Variants in RAB33A observed in about 807,000 individuals in gnomAD.
RAB33A encodes RAB33A, member RAS oncogene family, also known as ras-related protein Rab-33A.
Under a neutral mutation model 12.0 loss-of-function variants are expected in RAB33A, and 6 were observed. That is an observed-to-expected ratio of 0.50 (90% CI 0.27 to 0.99). The LOEUF (loss-of-function observed/expected upper bound fraction) is 0.99. RAB33A is among the 50% of genes least tolerant of loss of function. The pLI is 0.11. For missense variants in RAB33A, 109 were observed against 192.0 expected (o/e 0.57, Z 2.55); for synonymous variants, 70 against 82.4 (o/e 0.85, Z 0.81).
chrX:130,111,197 TGCGCCGCGGCCCGGGCGGGC>T, the RAB33A span, among the ~76,000 whole-genome samples: 2 of 105,982 alleles, frequency 1.9e-5, no homozygotes, highest in Non-Finnish European at 3.9e-5. Context: ...GCCCGCGTCG[TGCGCCGCGGCCCGGGCGGGC>T]GCTCCCCACT....
the RAB33A span, among the ~76,000 whole-genome samples, chrX:130,142,892 T>C: frequency 8.9e-6 from 1 of 111,971 alleles, no homozygotes; most frequent in Admixed American, 9.5e-5. Flanking sequence ...GTGATCCACC[T>C]GCCTCAGCCT....
chrX:130,160,784 TG>T, the RAB33A span, among the ~76,000 whole-genome samples: 20 of 110,439 alleles, frequency 1.8e-4, no homozygotes, highest in Admixed American at 1.3e-3. Flanking sequence ...GGCTCACATC[TG>T]TAATCCCAGC....
the RAB33A span, among the ~76,000 whole-genome samples, chrX:130,146,647 A>G: frequency 1.8e-5 from 2 of 110,947 alleles, no homozygotes; most frequent in Admixed American, 9.7e-5. Flanking sequence ...ATTGGAACCC[A>G]AAGAACATGG....
chrX:130,173,722 C>T lies in RAB33A; in HGVS notation c.258+1402C>T, dbSNP rs143672509. On this transcript the variant is annotated intron_variant, in intron 1 of 1. Transcript: ENST00000257017. ...CTACATTTCCTTTTAAAGTCAAAGG[C>T]GGTATCTGTCTCTGTCCTTTCCTGG... 2.4e-3 allele frequency among the ~76,000 whole-genome samples: 270 copies of T among 111,921 alleles called. 4 individuals are homozygous for T. Among genetic ancestry groups the T allele is most frequent in the East Asian group, 0.019 (67 of 3,578 alleles).
the RAB33A span, among the ~76,000 whole-genome samples, chrX:130,111,846 C>T: frequency 8.9e-6 from 1 of 112,108 alleles, no homozygotes; most frequent in African/African-American, 3.2e-5. Flanking sequence ...AATACCGCCG[C>T]CTACGTGGGT....
At chrX:130,142,360 G>T in the RAB33A span, among the ~76,000 whole-genome samples, 1 of 110,813 alleles carries the variant, frequency 9.0e-6, no homozygotes, top group Admixed American at 9.6e-5. Flanking sequence ...ATCCAATCCC[G>T]CTACTCAACC....
chrX:130,155,416 A>T, the RAB33A span: 1 of 745,567 alleles, frequency 1.3e-6, no homozygotes, highest in Non-Finnish European at 2.0e-6. Context: ...AAAAGAAAAA[A>T]ATGCTGCTCC....
At chrX:130,153,604 G>T in the RAB33A span, among the ~76,000 whole-genome samples, 1 of 111,220 alleles carries the variant, frequency 9.0e-6, no homozygotes, top group African/African-American at 3.3e-5. Context: ...GCATTGGGGA[G>T]GTGATAATGA....
At chrX:130,136,236 C>G in the RAB33A span, 1 of 1,185,958 alleles carries the variant, frequency 8.4e-7, no homozygotes, top group Non-Finnish European at 1.1e-6. Flanking sequence ...TCCATTTATG[C>G]CTACAGGCGT....
At chrX:130,163,400 T>C in the RAB33A span, among the ~76,000 whole-genome samples, 5 of 110,330 alleles carry the variant, frequency 4.5e-5, no homozygotes, top group Non-Finnish European at 9.5e-5. Flanking sequence ...AAACACACGG[T>C]AGATGCTACT....
upstream of RAB33A, among the ~76,000 whole-genome samples, chrX:130,167,533 A>AG (rs1478354722): frequency 1.8e-5 from 2 of 112,456 alleles, no homozygotes; most frequent in Non-Finnish European, 3.8e-5. Context: ...ACTTTAGGTC[A>AG]GGAGTTTAAG....
At chrX:130,135,428 C>CT in the RAB33A span, among the ~76,000 whole-genome samples, 275 of 54,673 alleles carry the variant, frequency 5.0e-3, 3 homozygotes, top group Middle Eastern at 9.2e-3. Context: ...TCCAGTACAT[C>CT]TTTTTTTTTT....
chrX:130,140,981 C>T, the RAB33A span, among the ~76,000 whole-genome samples: 58,171 of 110,742 alleles, frequency 0.53, 12,354 homozygotes, highest in African/African-American at 0.81. Context: ...CCAGGTGTGG[C>T]GGCATATGCC....
the RAB33A span, chrX:130,147,921 G>C: frequency 8.3e-7 from 1 of 1,207,869 alleles, no homozygotes; most frequent in Non-Finnish European, 1.1e-6. Context: ...TGAAGTCTCA[G>C]ATGATTCTTT....
chrX:130,171,956 G>A (rs868676256), upstream of RAB33A: 39 of 883,438 alleles, frequency 4.4e-5, no homozygotes, highest in African/African-American at 6.1e-5. Flanking sequence ...ACACACGCGC[G>A]CACACACACA....
chrX:130,155,543 G>A, the RAB33A span, among the ~76,000 whole-genome samples: 1 of 112,462 alleles, frequency 8.9e-6, no homozygotes, highest in Non-Finnish European at 1.9e-5. Flanking sequence ...CCGTTTGGGA[G>A]TCACATCAGG....
intron 1 of RAB33A, among the ~76,000 whole-genome samples, chrX:130,173,339 A>G (rs1215064136): frequency 8.9e-6 from 1 of 111,773 alleles, no homozygotes; most frequent in Non-Finnish European, 1.9e-5. Context: ...CTAGGCTCAC[A>G]GCTGGCCTTT....
At chrX:130,139,192 C>T in the RAB33A span, among the ~76,000 whole-genome samples, 3 of 110,683 alleles carry the variant, frequency 2.7e-5, no homozygotes, top group Non-Finnish European at 5.7e-5. Context: ...ATTAGCCGGT[C>T]GTGGTGGCAC....
the RAB33A span, among the ~76,000 whole-genome samples, chrX:130,117,669 C>A: frequency 8.9e-6 from 1 of 112,937 alleles, no homozygotes; most frequent in Non-Finnish European, 1.9e-5. Context: ...ATCCCCAACT[C>A]CTACCTTGGA....
Sources: gnomAD v4.1 joint callset for allele counts (sites outside exome capture counted in the v4.1 genomes callset) on GRCh38, gnomAD v4.1.1 for gene constraint, MANE v1.5 for transcripts, NCBI Gene and HGNC (gene_info 2026-07-23, HGNC 2026-07-21) for gene names.